Variants in RASA3 observed in about 807,000 individuals in gnomAD.
RASA3 encodes the protein RAS p21 protein activator 3.
A neutral mutation model predicts 110.0 loss-of-function variants in RASA3; 73 were observed. The ratio of observed to expected loss-of-function variants is 0.66; its 90% CI spans 0.55 to 0.81. The LOEUF is 0.81. Among genes scored for constraint, RASA3 ranks in the 30% least tolerant of loss-of-function variants. RASA3 has a pLI of 0.00. For synonymous variants in RASA3, 500 were observed against 451.4 expected, an observed-to-expected ratio of 1.11 and a Z score of -1.37; for missense variants, 976 against 1,113.2, an observed-to-expected ratio of 0.88 and a Z score of 1.75.
At chr13:114,016,754 T>C (rs563618802) in intron 12 of RASA3, among the ~76,000 whole-genome samples, 6 of 152,340 alleles carry the variant, frequency 3.9e-5, no homozygotes, top group Admixed American at 3.3e-4. Context: ...CAGAATGCTA[T>C]GTTCAATTTT....
intron 1 of RASA3, among the ~76,000 whole-genome samples, chr13:114,089,393 C>A (rs2079863057): frequency 6.6e-6 from 1 of 151,846 alleles, no homozygotes; most frequent in South Asian, 2.1e-4. Flanking sequence ...TGAATACAAC[C>A]TGATCTTCCC....
At chr13:114,130,973 T>A (rs1471081488) in intron 1 of RASA3, among the ~76,000 whole-genome samples, 1 of 152,238 alleles carries the variant, frequency 6.6e-6, no homozygotes, top group African/African-American at 2.4e-5. Flanking sequence ...CAAGGCGACC[T>A]CAGGCACTTC....
At chr13:114,009,071 G>C (rs1428471542) in intron 17 of RASA3, among the ~76,000 whole-genome samples, 1 of 152,228 alleles carries the variant, frequency 6.6e-6, no homozygotes, top group Non-Finnish European at 1.5e-5. Context: ...CTGCAGCCTA[G>C]AGTGAGTCCG....
At chr13:114,099,372 C>T (rs1046467025) in intron 1 of RASA3, among the ~76,000 whole-genome samples, 55 of 151,668 alleles carry the variant, frequency 3.6e-4, no homozygotes, top group South Asian at 1.0e-3. Flanking sequence ...CACACAGGGA[C>T]GGTACAGAAA....
chr13:114,087,341 G>A (rs2079833426), intron 1 of RASA3, among the ~76,000 whole-genome samples: 1 of 152,242 alleles, frequency 6.6e-6, no homozygotes, highest in African/African-American at 2.4e-5. Context: ...TCACGGGGAA[G>A]TGGTGAGTCT....
intron 19 of RASA3, among the ~76,000 whole-genome samples, chr13:114,000,391 T>C (rs75135842): frequency 1.3e-5 from 2 of 152,058 alleles, no homozygotes; most frequent in Non-Finnish European, 2.9e-5. Context: ...CATGTTCCCG[T>C]TCTGGGACAT....
At chr13:114,067,742 C>T (rs1051145426) in intron 2 of RASA3, among the ~76,000 whole-genome samples, 1 of 152,210 alleles carries the variant, frequency 6.6e-6, no homozygotes, top group African/African-American at 2.4e-5. Context: ...CGGGCTTCCA[C>T]CCAGAAGAGC....
chr13:114,059,236 G>GAGCACAGTC, intron 2 of RASA3, among the ~76,000 whole-genome samples: 1 of 150,550 alleles, frequency 6.6e-6, no homozygotes, highest in Admixed American at 6.6e-5. Context: ...TGGAGGAGCC[G>GAGCACAGTC]CCGTCAGGCC....
intron 8 of RASA3, among the ~76,000 whole-genome samples, chr13:114,022,634 A>G (rs1280294169): frequency 6.6e-6 from 1 of 152,186 alleles, no homozygotes. Context: ...CTGCACAGGA[A>G]CCCACAGCGC....
At chr13:113,989,057 A>T (rs1424137498) in intron 22 of RASA3, among the ~76,000 whole-genome samples, 1 of 141,170 alleles carries the variant, frequency 7.1e-6, no homozygotes, top group Non-Finnish European at 1.5e-5. Flanking sequence ...CCATCTGTCC[A>T]TCACCATCAC....
chr13:114,090,934 A>ATAT (rs2079883459), intron 1 of RASA3, among the ~76,000 whole-genome samples: 1 of 152,120 alleles, frequency 6.6e-6, no homozygotes, highest in African/African-American at 2.4e-5. Flanking sequence ...TGTTACATAC[A>ATAT]TATATATGTA....
intron 1 of RASA3, 61 bp from the exon 2 acceptor site, chr13:114,073,898 C>T (rs894030039): frequency 9.5e-6 from 13 of 1,369,040 alleles, no homozygotes; most frequent in Admixed American, 1.7e-5. Context: ...CCTGCTACAT[C>T]GCAGACACGT....
intron 12 of RASA3, among the ~76,000 whole-genome samples, chr13:114,016,981 T>C (rs2053807451): frequency 6.6e-6 from 1 of 152,202 alleles, no homozygotes; most frequent in South Asian, 2.1e-4. Context: ...AGCCAGGCTT[T>C]TCTTGCATGT....
chr13:114,007,327 C>T (rs867401062), intron 18 of RASA3, among the ~76,000 whole-genome samples: 6 of 20,380 alleles, frequency 2.9e-4, no homozygotes, highest in African/African-American at 3.4e-4. Context: ...CCTGCCCTGC[C>T]GGACGCCACC....
In RASA3 at chr13:114,011,202, T is replaced by C; in HGVS notation, c.1559A>G (p.Gln520Arg). Residue 520 changes from glutamine to arginine, a missense_variant, in exon 16 of 24, where the codon CAG becomes CGG. This residue lies in a region of RASA3 where 732 missense variants were observed against 779.7 expected (regional missense o/e 0.94). Transcript: ENST00000334062. This position sits in a 1 kb window ranked among gnomAD's most constrained non-coding sequence, Gnocchi z 4.8. ...GGACTTGGACAGGCTGCCGAGGGTCTGAACGGTCTTGGAGATCAATGTCAG... is the reference window on the plus strand; with the variant it reads ...GGACTTGGACAGGCTGCCGAGGGTCCGAACGGTCTTGGAGATCAATGTCAG... ...RTLTLISKTV[Q>R]TLGSLSKSKS... 6.2e-7 allele frequency: 1 copy of C among 1,613,048 alleles called. No homozygotes were observed. Among genetic ancestry groups the C allele is most frequent in the Non-Finnish European group, 8.5e-7 (1 of 1,179,708 alleles).
At chr13:114,105,544 A>G (rs547064273) in intron 1 of RASA3, among the ~76,000 whole-genome samples, 1 of 152,312 alleles carries the variant, frequency 6.6e-6, no homozygotes, top group South Asian at 2.1e-4. Flanking sequence ...GACAGGGACC[A>G]CCGGCATCGA....
intron 1 of RASA3, among the ~76,000 whole-genome samples, chr13:114,106,550 A>C (rs2080137814): frequency 6.6e-6 from 1 of 152,244 alleles, no homozygotes; most frequent in Admixed American, 6.5e-5. Flanking sequence ...AAACAATGTA[A>C]TTCGGAGCTT....
Position 114,057,473 on chromosome 13 carries a change from CT to C in RASA3, c.174-5319del. On this transcript the variant is annotated intron_variant, in intron 2 of 23. Coordinates refer to ENST00000334062, the MANE Select transcript of RASA3 (RefSeq NM_007368.4). The surrounding 1 kb of genome is among the most constrained non-coding windows in gnomAD (Gnocchi z 5.0). ...GATTTCAAGGAAAGCTGGAGCCAGT[CT>C]CTGTGCCAGAATAGAGGGTTCGTTC... 1 of 985,428 alleles carries C rather than the reference CT, an allele frequency of 1.0e-6. No individual in the cohort carries two copies. The highest frequency in any genetic ancestry group is 1.2e-6 in the Non-Finnish European group (1 of 829,928). 61.0% of individuals were successfully genotyped at this position (985,428 alleles called of 1,614,324 possible).
intron 23 of RASA3, among the ~76,000 whole-genome samples, chr13:113,979,786 T>G (rs1327921853): frequency 4.6e-5 from 7 of 152,112 alleles, no homozygotes; most frequent in African/African-American, 1.7e-4. Flanking sequence ...GGGACACAGA[T>G]CTGTCCCAGT....
Sources: gnomAD v4.1 joint callset for allele counts (sites outside exome capture counted in the v4.1 genomes callset) on GRCh38, gnomAD v4.1.1 for gene constraint, gnomAD v4.1.1 regional missense constraint, Gnocchi (gnomAD v3.1) non-coding constraint, MANE v1.5 for transcripts, NCBI Gene and HGNC (gene_info 2026-07-23, HGNC 2026-07-21) for gene names.